Variants in NWD2 observed in about 807,000 individuals in gnomAD.
The protein encoded by NWD2 is NACHT and WD repeat domain-containing protein 2.
A neutral mutation model predicts 132.7 loss-of-function variants in NWD2; 37 were observed. The observed-to-expected ratio is 0.28, with a 90% CI of 0.21 to 0.37. NWD2 has a LOEUF of 0.37. Ranked by LOEUF, NWD2 falls within the 10% of genes least tolerant of loss-of-function variation. NWD2 has a pLI of 1.00. For missense variants in NWD2, 1,592 were observed against 2,122.4 expected (o/e 0.75, Z 4.91); for synonymous variants, 705 against 803.0 (o/e 0.88, Z 2.06).
chr4:37,308,094 G>A (rs1390263801), intron 1 of NWD2, among the ~76,000 whole-genome samples: 1 of 152,024 alleles, frequency 6.6e-6, no homozygotes, highest in Non-Finnish European at 1.5e-5. Context: ...TAAAAGTATT[G>A]CATCAATTTC....
intron 1 of NWD2, among the ~76,000 whole-genome samples, chr4:37,303,780 G>A (rs546237158): frequency 6.6e-6 from 1 of 152,044 alleles, no homozygotes; most frequent in African/African-American, 2.4e-5. Context: ...TGTTGATTTT[G>A]TATCCTACAA....
At chr4:37,424,801 T>C (rs1305211432) in intron 3 of NWD2, among the ~76,000 whole-genome samples, 1 of 152,152 alleles carries the variant, frequency 6.6e-6, no homozygotes, top group African/African-American at 2.4e-5. Flanking sequence ...CAGAGTAAAG[T>C]CAAAGACACA....
At chr4:37,344,391 T>C (rs1399506488) in intron 2 of NWD2, among the ~76,000 whole-genome samples, 3 of 152,054 alleles carry the variant, frequency 2.0e-5, no homozygotes, top group African/African-American at 4.8e-5. Flanking sequence ...GAAAGAACAA[T>C]TTAAGGGAGA....
chr4:37,277,080 T>C (rs952257641), intron 1 of NWD2, among the ~76,000 whole-genome samples: 1 of 151,554 alleles, frequency 6.6e-6, no homozygotes, highest in Admixed American at 6.6e-5. Context: ...CACATGTACA[T>C]ATGTAACAAA....
intron 5 of NWD2, among the ~76,000 whole-genome samples, chr4:37,436,353 T>G (rs1337170737): frequency 6.6e-6 from 1 of 152,198 alleles, no homozygotes; most frequent in African/African-American, 2.4e-5. Context: ...AAGCATGCAC[T>G]TCGCCTCTAA....
At chr4:37,425,382 A>G (rs368213781) in intron 3 of NWD2, among the ~76,000 whole-genome samples, 5 of 152,142 alleles carry the variant, frequency 3.3e-5, no homozygotes, top group East Asian at 1.9e-4. Flanking sequence ...TGAGTGTTGT[A>G]TTGTTGCTTT....
At chr4:37,342,658 A>C (rs573579358) in intron 2 of NWD2, among the ~76,000 whole-genome samples, 1 of 152,034 alleles carries the variant, frequency 6.6e-6, no homozygotes. Flanking sequence ...CTCTTTCTCC[A>C]TGTTCATTAA....
intron 3 of NWD2, among the ~76,000 whole-genome samples, chr4:37,370,291 T>C (rs1475060795): frequency 6.6e-6 from 1 of 152,214 alleles, no homozygotes; most frequent in African/African-American, 2.4e-5. Flanking sequence ...TACAAAAATA[T>C]GTATTTTTAG....
At chr4:37,248,894 C>G (rs1717296329) in intron 1 of NWD2, among the ~76,000 whole-genome samples, 1 of 152,140 alleles carries the variant, frequency 6.6e-6, no homozygotes, top group Non-Finnish European at 1.5e-5. Context: ...TCTCTTTTTT[C>G]AGATTTTGAG....
chr4:37,272,396 A>G (rs890711779), intron 1 of NWD2, among the ~76,000 whole-genome samples: 77 of 151,952 alleles, frequency 5.1e-4, no homozygotes, highest in African/African-American at 1.8e-3. Flanking sequence ...TTGACAAAAT[A>G]TACCATCGAA....
chr4:37,360,561 C>G (rs370368138), intron 3 of NWD2, among the ~76,000 whole-genome samples: 1 of 152,182 alleles, frequency 6.6e-6, no homozygotes, highest in South Asian at 2.1e-4. Flanking sequence ...ACCAAGGCAG[C>G]CCCTAGCAGG....
chr4:37,273,882 C>T (rs1445382114), intron 1 of NWD2, among the ~76,000 whole-genome samples: 1 of 151,748 alleles, frequency 6.6e-6, no homozygotes, highest in African/African-American at 2.4e-5. Context: ...TTGAAACCAA[C>T]GAGAAAAAAG....
chr4:37,316,300 T>C (rs1014907855), intron 1 of NWD2, among the ~76,000 whole-genome samples: 1 of 152,122 alleles, frequency 6.6e-6, no homozygotes, highest in African/African-American at 2.4e-5. Context: ...TTTCAGACTA[T>C]GTTGTTCTAT....
intron 3 of NWD2, among the ~76,000 whole-genome samples, chr4:37,393,196 T>TTG (rs1553897269): frequency 1.3e-5 from 2 of 151,638 alleles, no homozygotes; most frequent in Non-Finnish European, 2.9e-5. Context: ...ATCCGGGGGT[T>TTG]GGGGGGAGAC....
At chr4:37,415,337 C>G (rs1711559901) in intron 3 of NWD2, among the ~76,000 whole-genome samples, 1 of 152,166 alleles carries the variant, frequency 6.6e-6, no homozygotes, top group African/African-American at 2.4e-5. Flanking sequence ...AGTGAATGGT[C>G]TAGAATTCGT....
At chr4:37,354,169 G>A (rs1044354403) in intron 2 of NWD2, among the ~76,000 whole-genome samples, 3 of 152,130 alleles carry the variant, frequency 2.0e-5, no homozygotes, top group South Asian at 2.1e-4. Context: ...TGTCACCAGC[G>A]GAGGCTGCAG....
intron 1 of NWD2, among the ~76,000 whole-genome samples, chr4:37,261,700 T>A (rs1156695224): frequency 6.6e-6 from 1 of 152,190 alleles, no homozygotes; most frequent in African/African-American, 2.4e-5. Context: ...GGGGGGACCA[T>A]AATGTAAATA....
chr4:37,368,090 G>C (rs1325301491), intron 3 of NWD2, among the ~76,000 whole-genome samples: 1 of 152,088 alleles, frequency 6.6e-6, no homozygotes, highest in Non-Finnish European at 1.5e-5. Context: ...ATAATCGCTA[G>C]CCTAGTGTGT....
chr4:37,322,924 G>A (rs1463143577), intron 1 of NWD2, among the ~76,000 whole-genome samples: 1 of 152,140 alleles, frequency 6.6e-6, no homozygotes, highest in Non-Finnish European at 1.5e-5. Context: ...GTCATTTCAT[G>A]CATTTATTCC....
Sources: gnomAD v4.1 joint callset for allele counts (sites outside exome capture counted in the v4.1 genomes callset) on GRCh38, gnomAD v4.1.1 for gene constraint, MANE v1.5 for transcripts, NCBI Gene and HGNC (gene_info 2026-07-23, HGNC 2026-07-21) for gene names.